Variants in HPGD observed in about 807,000 individuals in gnomAD.
The protein encoded by HPGD is 15-hydroxyprostaglandin dehydrogenase.
A neutral mutation model predicts 30.0 loss-of-function variants in HPGD; 29 were observed. The observed-to-expected ratio is 0.97, with a 90% confidence interval of 0.72 to 1.32. The LOEUF (loss-of-function observed/expected upper bound fraction) is 1.32, where lower values mean the gene tolerates loss of function less well. Ranked by LOEUF, HPGD falls within the 40% of genes most tolerant of loss-of-function variation. The pLI, the probability that HPGD is intolerant of heterozygous loss-of-function variation, is 0.00. For missense variants in HPGD, 340 were observed against 322.1 expected, an observed-to-expected ratio of 1.06 and a Z score of -0.43; for synonymous variants, 99 against 112.4, an observed-to-expected ratio of 0.88 and a Z score of 0.75.
intron 1 of HPGD, 60 bp downstream of exon 1, chr4:174,522,299 G>T: frequency 6.7e-7 from 1 of 1,481,978 alleles, no homozygotes; most frequent in Non-Finnish European, 9.2e-7. Context: ...ACCTCGGGCG[G>T]CGGGGCGAGT....
chr4:174,514,523 A>C (rs1424780432), intron 3 of HPGD, among the ~76,000 whole-genome samples: 2 of 152,146 alleles, frequency 1.3e-5, no homozygotes, highest in African/African-American at 4.8e-5. Flanking sequence ...AAAATCCTCA[A>C]CAACATAGGC....
At chr4:174,493,353 A>C in intron 5 of HPGD, 39 bp from the exon 6 acceptor site, 1 of 1,596,068 alleles carries the variant, frequency 6.3e-7, no homozygotes, top group Non-Finnish European at 8.6e-7. Flanking sequence ...CAGTTTCATA[A>C]ACATATAGCA....
chr4:174,493,427 C>T (rs1734439958), intron 5 of HPGD, 113 bp from the exon 6 acceptor site: 2 of 941,274 alleles, frequency 2.1e-6, no homozygotes, highest in African/African-American at 1.6e-5. Context: ...AATTAGATAT[C>T]CTCCCAGCTA....
intron 3 of HPGD, among the ~76,000 whole-genome samples, chr4:174,514,996 A>G (rs1290480805): frequency 1.3e-5 from 2 of 152,150 alleles, no homozygotes; most frequent in Non-Finnish European, 2.9e-5. Flanking sequence ...ATTGTAAAAC[A>G]CTACTGAAAG....
At chr4:174,522,262 G>A in intron 1 of HPGD, 97 bp downstream of exon 1, 1 of 1,368,218 alleles carries the variant, frequency 7.3e-7, no homozygotes, top group Non-Finnish European at 1.0e-6. Context: ...GGCACGCCGG[G>A]CGCGGCCTCC....
At chr4:174,499,125 G>A (rs532035466) in intron 4 of HPGD, among the ~76,000 whole-genome samples, 41 of 152,246 alleles carry the variant, frequency 2.7e-4, no homozygotes, top group African/African-American at 9.4e-4. Flanking sequence ...ATTGTGTTCT[G>A]GGGCTGGTAA....
Position 174,508,735 on chromosome 4 carries a change from C to T in HPGD, c.382G>A (p.Gly128Ser), listed in dbSNP as rs759382487. ...GLDYMSKQNG[G>S]EGGIIINMSS... Reference sequence around the variant, plus strand: ...ATATTGATAATGATGCCGCCTTCACCTCCATTTTGCTTACTCATGTAATCC... The same window carrying T: ...ATATTGATAATGATGCCGCCTTCACTTCCATTTTGCTTACTCATGTAATCC... Residue 128 changes from glycine to serine, a missense_variant, in exon 4 of 7, where the codon GGT becomes AGT. By Grantham distance (56) the Gly-to-Ser change is moderately conservative (BLOSUM62 0). Coordinates refer to ENST00000296522, the MANE Select transcript of HPGD (RefSeq NM_000860.6). 1 of 1,610,904 alleles carries T rather than the reference C, an allele frequency of 6.2e-7. No homozygotes were observed. The highest frequency in any genetic ancestry group is 8.5e-7 in the Non-Finnish European group (1 of 1,177,340).
intron 3 of HPGD, among the ~76,000 whole-genome samples, chr4:174,513,726 G>C (rs1240768737): frequency 6.6e-6 from 1 of 151,758 alleles, no homozygotes; most frequent in Non-Finnish European, 1.5e-5. Flanking sequence ...TTAAAATAAA[G>C]TAATGGAAAA....
At chr4:174,507,867 C>A in intron 4 of HPGD, 1 of 459,414 alleles carries the variant, frequency 2.2e-6, no homozygotes, top group Non-Finnish European at 3.9e-6. Context: ...GGATTGCATG[C>A]TGTGGAAAAG....
At position 174,517,925 on chromosome 4, in the gene HPGD, T is replaced by C. The variant is rs759190397; in HGVS notation, c.324+46A>G. On this transcript the variant is annotated intron_variant, in intron 3 of 6. Coordinates refer to ENST00000296522, the MANE Select transcript of HPGD (RefSeq NM_000860.6). ...AACCTTTTTTTCTTTACAAACATCATGTTATTAAATAATTATAGACAAGAA... is the reference window on the plus strand; with the variant it reads ...AACCTTTTTTTCTTTACAAACATCACGTTATTAAATAATTATAGACAAGAA... 3.0e-6 allele frequency: 3 copies of C among 990,680 alleles called. No individual in the cohort carries two copies. In the East Asian group the frequency reaches 7.4e-5, roughly 25 times the overall value. The allele number at this position is 990,680 out of a possible 1,614,324, so 61.4% of individuals were successfully genotyped here.
rs1365586907 is a variant in HPGD at position 174,492,096 on chromosome 4, T to C, written c.663-2A>G. 1 of 1,610,488 alleles carries C rather than the reference T, an allele frequency of 6.2e-7. No homozygotes were observed. The highest frequency in any genetic ancestry group is 8.5e-7 in the Non-Finnish European group (1 of 1,177,534). On this transcript the variant is annotated splice_acceptor_variant, in intron 6 of 6. Coordinates refer to ENST00000296522, the MANE Select transcript of HPGD (RefSeq NM_000860.6). LOFTEE classifies it high-confidence loss of function. This position sits in a 1 kb window ranked among gnomAD's most constrained non-coding sequence, Gnocchi z 4.9. ...AATCCATTGGCAATCAATGGTGGGC[T>C]AAAAATAAAGAAAACAGTATTTTGA...
chr4:174,509,339 G>A (rs552720165), intron 3 of HPGD, among the ~76,000 whole-genome samples: 1 of 151,950 alleles, frequency 6.6e-6, no homozygotes, highest in South Asian at 2.1e-4. Flanking sequence ...CATATAATAC[G>A]AGGAAGGTGA....
chr4:174,511,698 G>C (rs749146824), intron 3 of HPGD, among the ~76,000 whole-genome samples: 33 of 152,136 alleles, frequency 2.2e-4, no homozygotes, highest in Non-Finnish European at 3.4e-4. Flanking sequence ...CCAGGCTGGA[G>C]TGCAGTGGCG....
intron 4 of HPGD, among the ~76,000 whole-genome samples, chr4:174,500,353 T>G (rs1734842449): frequency 6.6e-6 from 1 of 152,210 alleles, no homozygotes; most frequent in Non-Finnish European, 1.5e-5. Context: ...AATTTAGCAA[T>G]TTCTTTCAAA....
chr4:174,502,888 T>A (rs1734989054), intron 4 of HPGD, among the ~76,000 whole-genome samples: 1 of 152,154 alleles, frequency 6.6e-6, no homozygotes, highest in Non-Finnish European at 1.5e-5. Flanking sequence ...TGCATACTAG[T>A]GGCTGGCTTC....
chr4:174,519,057 C>G (rs1735941156), intron 2 of HPGD, among the ~76,000 whole-genome samples: 1 of 152,118 alleles, frequency 6.6e-6, no homozygotes, highest in East Asian at 1.9e-4. Context: ...TAACAACCAC[C>G]AGACATATTG....
At chr4:174,518,990 TA>T (rs45600232) in intron 2 of HPGD, among the ~76,000 whole-genome samples, 6,170 of 152,214 alleles carry the variant, frequency 0.041, 179 homozygotes, top group Non-Finnish European at 0.063. Context: ...ATCAAGTCCT[TA>T]AAAAAAGTAG....
In HPGD at chr4:174,521,984, CAG is replaced by C. The variant is rs548208942; in HGVS notation, c.175_176del (p.Leu59ValfsTer8). The C allele has an allele frequency of 2.0e-4, 319 of 1,614,010 alleles. No individual in the cohort carries two copies. The highest frequency in any genetic ancestry group is 2.3e-4 in the Non-Finnish European group (272 of 1,179,980). ...GGTCAGCCACATCGCACTGGATGAA[CAG>C]AGTCTTCTGAGGTTCAAACTGCTCA... ...LDEQFEPQKTLFIQCDVADQQ... is the reference protein window; with the variant it reads ...LDEQFEPQKTXFIQCDVADQQ... On this transcript the variant is annotated frameshift_variant, in exon 2 of 7. Coordinates refer to ENST00000296522, the MANE Select transcript of HPGD (RefSeq NM_000860.6). LOFTEE classifies it high-confidence loss of function.
chr4:174,493,114 T>G, intron 6 of HPGD, 37 bp downstream of exon 6: 1 of 1,479,854 alleles, frequency 6.8e-7, no homozygotes, highest in African/African-American at 1.4e-5. Flanking sequence ...ATGCTTTGCT[T>G]CATCATTTAA....
Sources: gnomAD v4.1 joint callset for allele counts (sites outside exome capture counted in the v4.1 genomes callset) on GRCh38, gnomAD v4.1.1 for gene constraint, Gnocchi (gnomAD v3.1) non-coding constraint, MANE v1.5 for transcripts, NCBI Gene and HGNC (gene_info 2026-07-23, HGNC 2026-07-21) for gene names.